PPIF: variants seen among roughly 807,000 people sequenced by gnomAD.
The protein encoded by PPIF is peptidyl-prolyl cis-trans isomerase F, mitochondrial.
In PPIF, 23 loss-of-function variants were observed where a neutral mutation model predicts 20.2. The observed-to-expected ratio is 1.14, with a 90% CI of 0.82 to 1.61. The LOEUF (loss-of-function observed/expected upper bound fraction) is 1.61, where lower values mean the gene tolerates loss of function less well. Among genes scored for constraint, PPIF ranks in the 40% most tolerant of loss-of-function variants. The pLI is 0.00. For synonymous variants in PPIF, 113 were observed against 123.1 expected (o/e 0.92, Z 0.54); for missense variants, 287 against 291.6 (o/e 0.98, Z 0.11).
chr10:79,352,503 C>T (rs960575202), intron 5 of PPIF, 111 bp downstream of exon 5: 1 of 1,056,428 alleles, frequency 9.5e-7, no homozygotes. Flanking sequence ...TGCTCTGGGA[C>T]AGTGGCCCTC....
chr10:79,347,804 C>T, intron 1 of PPIF, 61 bp downstream of exon 1: 2 of 1,246,932 alleles, frequency 1.6e-6, no homozygotes, highest in South Asian at 3.5e-5. Context: ...AGCCCTGGGC[C>T]CCGGGCGGCG....
Position 79,354,822 on chromosome 10 carries a change from A to T in PPIF, c.*980A>T, listed in dbSNP as rs540479368. On this transcript the variant is annotated 3_prime_UTR_variant, in exon 6 of 6. Coordinates refer to ENST00000225174, the MANE Select transcript of PPIF (RefSeq NM_005729.4). ...TCAGGACGTTCATGTGGATGGTTTC[A>T]TGTCATCGTGCTGGCAACTTGTCCT... is the stretch of plus-strand genomic sequence containing the variant. 1.3e-3 allele frequency: 195 copies of T among 152,610 alleles called. No homozygotes were observed. The highest frequency in any genetic ancestry group is 4.5e-3 in the African/African-American group (186 of 41,540). 9.5% of individuals were successfully genotyped at this position (152,610 alleles called of 1,614,324 possible). A position where few individuals can be genotyped will look rare whatever the true frequency, so the allele number is the denominator to read the frequency against.
chr10:79,347,798 C>T, intron 1 of PPIF, 55 bp downstream of exon 1: 1 of 1,250,990 alleles, frequency 8.0e-7, no homozygotes, highest in South Asian at 3.4e-5. Context: ...GGGGAGAGCC[C>T]TGGGCCCCGG....
At chr10:79,352,455 T>C (rs1011343297) in intron 5 of PPIF, 63 bp downstream of exon 5, 2 of 1,549,566 alleles carry the variant, frequency 1.3e-6, no homozygotes, top group Non-Finnish European at 1.8e-6. Context: ...GGAGGATTCG[T>C]GCACTTTTAG....
At position 79,349,677 on chromosome 10, in the gene PPIF, C is replaced by T; in HGVS notation, c.239C>T (p.Ala80Val). 1 of 1,613,570 alleles carries T rather than the reference C, an allele frequency of 6.2e-7. No homozygotes were observed. Among genetic ancestry groups the T allele is most frequent in the African/African-American group, 1.3e-5 (1 of 75,050 alleles). ...CTTCGACCCTCAGAGAACTTCAGAG[C>T]CCTGTGCACTGGTGAGAAGGGCTTC... Reference protein sequence around the residue: ...VVPKTAENFRALCTGEKGFGY... With the variant: ...VVPKTAENFRVLCTGEKGFGY... Residue 80 changes from alanine to valine, a missense_variant, in exon 3 of 6, where the codon GCC (alanine) becomes GTC (valine). Coordinates refer to ENST00000225174, the MANE Select transcript of PPIF (RefSeq NM_005729.4).
chr10:79,352,754 G>T (rs1371297733), intron 5 of PPIF, among the ~76,000 whole-genome samples: 3 of 152,338 alleles, frequency 2.0e-5, no homozygotes, highest in Middle Eastern at 3.4e-3. Flanking sequence ...CACTTGTGTG[G>T]TTTTAACCTG....
intron 5 of PPIF, among the ~76,000 whole-genome samples, chr10:79,353,285 C>G (rs1423380649): frequency 6.6e-6 from 1 of 152,230 alleles, no homozygotes; most frequent in Non-Finnish European, 1.5e-5. Flanking sequence ...GAGAGCTGCC[C>G]AGGACTCCTG....
At chr10:79,349,782 G>C (rs775507871) in intron 3 of PPIF, 29 bp downstream of exon 3, 1 of 1,613,484 alleles carries the variant, frequency 6.2e-7, no homozygotes, top group South Asian at 1.1e-5. Context: ...CTGTAAGGGG[G>C]GATGAGAGCA....
At chr10:79,349,049 T>C (rs369061870) in intron 1 of PPIF, 27 bp from the exon 2 acceptor site, 3 of 1,613,882 alleles carry the variant, frequency 1.9e-6, no homozygotes, top group Non-Finnish European at 2.5e-6. Flanking sequence ...ATGACCATCC[T>C]CTTTTGTCCT....
rs1208330514 is a variant in PPIF at position 79,355,064 on chromosome 10, G to A, written c.*1222G>A. On this transcript the variant is annotated 3_prime_UTR_variant, in exon 6 of 6. Transcript: ENST00000225174. ...TGCTGGAGGTGGGGCCTGCTACGAG[G>A]TGTTTGGATCATGGGGACGGGTATT... The A allele has an allele frequency of 6.6e-6, 1 of 152,322 alleles. No individual in the cohort carries two copies. The highest frequency in any genetic ancestry group is 1.5e-5 in the Non-Finnish European group (1 of 68,032). The allele number at this position is 152,322 out of a possible 1,614,324, so 9.4% of individuals were successfully genotyped here.
At chr10:79,349,558 AT>A (rs1855951025) in intron 2 of PPIF, 106 bp from the exon 3 acceptor site, 1 of 1,534,122 alleles carries the variant, frequency 6.5e-7, no homozygotes, top group Admixed American at 2.0e-5. Context: ...CAGAGTCTTT[AT>A]CCCCCTGTTC....
chr10:79,350,090 G>A, intron 3 of PPIF: 2 of 321,324 alleles, frequency 6.2e-6, no homozygotes, highest in East Asian at 1.4e-4. Flanking sequence ...CTTGTCCCCT[G>A]TGTGCCCCTG....
rs984793271 is a variant in PPIF at position 79,349,886 on chromosome 10, G to A, written c.315+133G>A. 6.7e-6 allele frequency: 10 copies of A among 1,495,206 alleles called. No individual in the cohort carries two copies. The African/African-American group carries it at 1.2e-4, about 19-fold the overall frequency. 92.6% of individuals were successfully genotyped at this position (1,495,206 alleles called of 1,614,324 possible). On this transcript the variant is annotated intron_variant, in intron 3 of 5. Transcript: ENST00000225174. ...CTCTGTCAGCCAGGCTGCCCTCCCTGCATTAGCCCTGTATCCAGGCTTCAC... is the reference window on the plus strand; with the variant it reads ...CTCTGTCAGCCAGGCTGCCCTCCCTACATTAGCCCTGTATCCAGGCTTCAC...
In PPIF at chr10:79,347,709, C is replaced by A; in HGVS notation, c.161C>A (p.Ala54Asp). The A allele has an allele frequency of 6.9e-7, 1 of 1,459,604 alleles. No homozygotes were observed. The highest frequency in any genetic ancestry group is 1.4e-5 in the South Asian group (1 of 71,414). 90.4% of individuals were successfully genotyped at this position (1,459,604 alleles called of 1,614,324 possible). Residue 54 changes from alanine (A) to aspartate (D), a missense_variant, in exon 1 of 6, where the codon GCC (alanine) becomes GAC (aspartate). Transcript: ENST00000225174. ...CCGCTCGTGTACCTGGACGTGGACG[C>A]CAACGGGAAGCCGCTCGGCCGCGTG... ...GNPLVYLDVD[A>D]NGKPLGRVVL... is the part of the protein sequence containing the mutation.
intron 2 of PPIF, 131 bp downstream of exon 2, chr10:79,349,237 A>G: frequency 1.3e-6 from 2 of 1,586,904 alleles, no homozygotes; most frequent in Non-Finnish European, 1.7e-6. Flanking sequence ...TGTGTGGCTC[A>G]GCCATTGGGT....
Position 79,347,675 on chromosome 10 carries a change from T to C in PPIF, c.127T>C (p.Ser43Pro). The change falls in exon 1 of 6, where the codon TCC (serine) becomes CCC (proline). Residue 43 changes from serine (S) to proline (P), a missense_variant. Ser to Pro is a moderately conservative substitution (Grantham distance 74). Coordinates refer to ENST00000225174, the MANE Select transcript of PPIF (RefSeq NM_005729.4). The part of the protein sequence containing the change: ...GSGDPSSSSS[S>P]GNPLVYLDVD... ...CGGCGACCCGTCCTCTTCCTCCTCC[T>C]CCGGGAACCCGCTCGTGTACCTGGA... 1 of 1,477,534 alleles carries C rather than the reference T, an allele frequency of 6.8e-7. No homozygotes were observed. Among genetic ancestry groups the C allele is most frequent in the Non-Finnish European group, 9.0e-7 (1 of 1,110,490 alleles). 91.5% of individuals were successfully genotyped at this position (1,477,534 alleles called of 1,614,324 possible).
At chr10:79,351,453 TG>T (rs1855981216) in intron 3 of PPIF, 33 bp from the exon 4 acceptor site, 1 of 1,607,684 alleles carries the variant, frequency 6.2e-7, no homozygotes, top group African/African-American at 1.3e-5. Flanking sequence ...GCCTGCTCCA[TG>T]GTAGCCACTC....
At chr10:79,349,937 C>T (rs952516185) in intron 3 of PPIF, 184 bp downstream of exon 3, 17 of 1,336,546 alleles carry the variant, frequency 1.3e-5, no homozygotes, top group African/African-American at 1.2e-4. Context: ...AGCCCCAACC[C>T]GCTGCCACTC....
chr10:79,354,055 G>C lies in PPIF; in HGVS notation c.*213G>C. 1 of 577,470 alleles carries C rather than the reference G, an allele frequency of 1.7e-6. No homozygotes were observed. The highest frequency in any genetic ancestry group is 3.1e-6 in the Non-Finnish European group (1 of 326,726). The allele number at this position is 577,470 out of a possible 1,614,324, so 35.8% of individuals were successfully genotyped here. On this transcript the variant is annotated 3_prime_UTR_variant, in exon 6 of 6. Transcript: ENST00000225174. ...CCCTTCCTCACGACCTCATTTCTGG[G>C]CATCTTTGTGGACATGATGTCACCC...
Sources: allele counts gnomAD v4.1 joint callset (sites outside exome capture counted in the v4.1 genomes callset), GRCh38; gene constraint gnomAD v4.1.1; transcripts MANE v1.5; gene names NCBI Gene and HGNC (gene_info 2026-07-23, HGNC 2026-07-21).